Variants in KLHL2 observed in about 807,000 individuals in gnomAD.
The protein encoded by KLHL2 is kelch-like protein 2.
KLHL2 carries 15 observed loss-of-function variants against 75.8 expected under a neutral mutation model. The ratio of observed to expected loss-of-function variants is 0.20; its 90% CI spans 0.13 to 0.30. The LOEUF is 0.30. Among genes scored for constraint, KLHL2 ranks in the 10% least tolerant of loss-of-function variants. The probability of loss-of-function intolerance (pLI) is 1.00; values close to 1 mark genes in which losing one functional copy is unlikely to be tolerated. For missense variants in KLHL2, 381 were observed against 741.0 expected (o/e 0.51, Z 5.64); for synonymous variants, 214 against 251.9 (o/e 0.85, Z 1.42).
Position 165,314,049 on chromosome 4 carries a change from T to C in KLHL2, c.1492T>C (p.Leu498=), listed in dbSNP as rs752260030. 1.9e-6 allele frequency: 3 copies of C among 1,613,408 alleles called. No homozygotes were observed. Among genetic ancestry groups the C allele is most frequent in the South Asian group, 1.1e-5 (1 of 90,972 alleles). ...GAGVGVLNNL[L]YAVGGHDGPL... ...AGGTGTTGGTGTGTTAAACAATTTA[T>C]TGTATGCTGTAGGAGGTCATGATGG... The change falls in exon 13 of 15, where the codon TTG becomes CTG. Residue 498 remains leucine, a synonymous_variant. Transcript: ENST00000226725.
intron 4 of KLHL2, among the ~76,000 whole-genome samples, chr4:165,252,950 C>T (rs1299683092): frequency 6.6e-6 from 1 of 152,220 alleles, no homozygotes; most frequent in Non-Finnish European, 1.5e-5. Flanking sequence ...GTACCAAAAT[C>T]TAAGCATGCT....
At chr4:165,264,721 C>CATATATATATATATAT (rs1187856274) in intron 5 of KLHL2, among the ~76,000 whole-genome samples, 4 of 71,198 alleles carry the variant, frequency 5.6e-5, no homozygotes, top group Admixed American at 2.1e-4. Context: ...TATATATATA[C>CATATATATATATATAT]ATATATATAT....
Position 165,322,106 on chromosome 4 carries a change from C to T in KLHL2, c.*46C>T, listed in dbSNP as rs1258926837. 9 of 1,551,894 alleles carry T rather than the reference C, an allele frequency of 5.8e-6. No individual in the cohort carries two copies. Among genetic ancestry groups the T allele is most frequent in the Non-Finnish European group, 7.1e-6 (8 of 1,123,730 alleles). On this transcript the variant is annotated 3_prime_UTR_variant, in exon 15 of 15. Transcript: ENST00000226725. Reference sequence around the variant, plus strand: ...ATATTTATACATGAGAAACAGCCTTCAACAAGTATTTGTGAAGTGACTGAG... The same window carrying T: ...ATATTTATACATGAGAAACAGCCTTTAACAAGTATTTGTGAAGTGACTGAG...
At chr4:165,239,264 C>CTTTTTT (rs60521648) in intron 4 of KLHL2, among the ~76,000 whole-genome samples, 1 of 134,852 alleles carries the variant, frequency 7.4e-6, no homozygotes, top group African/African-American at 2.7e-5. Context: ...TTATTTCTGT[C>CTTTTTT]TTTTTTTTTT....
intron 5 of KLHL2, among the ~76,000 whole-genome samples, chr4:165,283,294 G>A (rs1233374232): frequency 6.6e-6 from 1 of 152,142 alleles, no homozygotes. Flanking sequence ...TAACTCAGAG[G>A]TGCACAGTCC....
chr4:165,216,048 TA>T (rs2110961947), intron 1 of KLHL2, among the ~76,000 whole-genome samples: 1 of 152,320 alleles, frequency 6.6e-6, no homozygotes, highest in East Asian at 1.9e-4. Context: ...AATAAATATC[TA>T]AAGAAGTTTT....
intron 5 of KLHL2, among the ~76,000 whole-genome samples, chr4:165,270,399 A>C (rs1442506405): frequency 6.6e-6 from 1 of 152,048 alleles, no homozygotes; most frequent in Non-Finnish European, 1.5e-5. Context: ...AGGAGAAGAG[A>C]TGCTCTGGTT....
At chr4:165,310,113 A>G (rs1285319839) in intron 9 of KLHL2, among the ~76,000 whole-genome samples, 13 of 152,156 alleles carry the variant, frequency 8.5e-5, no homozygotes, top group African/African-American at 1.4e-4. Flanking sequence ...CAAGGCGGGC[A>G]GATCACGAGG....
chr4:165,274,347 T>C (rs10015885), intron 5 of KLHL2, among the ~76,000 whole-genome samples: 68,704 of 151,980 alleles, frequency 0.45, 16,912 homozygotes, highest in African/African-American at 0.65. Context: ...CAGTGGCTCA[T>C]GCCTGTAATC....
intron 5 of KLHL2, chr4:165,278,841 A>C (rs1440106250): frequency 6.5e-7 from 1 of 1,537,322 alleles, no homozygotes; most frequent in Admixed American, 1.7e-5. Flanking sequence ...ATCTGGAAGC[A>C]CATTTGTCCC....
chr4:165,253,127 T>C (rs1740876383), intron 4 of KLHL2, among the ~76,000 whole-genome samples: 1 of 152,184 alleles, frequency 6.6e-6, no homozygotes, highest in Non-Finnish European at 1.5e-5. Flanking sequence ...TGCCTCCTCC[T>C]GGGTTCAGGC....
intron 13 of KLHL2, among the ~76,000 whole-genome samples, chr4:165,316,759 TA>T (rs1195695444): frequency 2.0e-5 from 3 of 152,038 alleles, no homozygotes; most frequent in African/African-American, 4.8e-5. Context: ...TATCCATCAG[TA>T]AAAAAATGAT....
In KLHL2 at chr4:165,311,504, G is replaced by C; in HGVS notation, c.1278G>C (p.Glu426Asp). The C allele has an allele frequency of 6.2e-7, 1 of 1,613,992 alleles. No homozygotes were observed. The highest frequency in any genetic ancestry group is 8.5e-7 in the Non-Finnish European group (1 of 1,179,888). ...SVEAYNIKSN[E>D]WFHVAPMNTR... ...AAGCATACAACATAAAGTCTAATGA[G>C]TGGTTTCATGTAGCTCCCATGAATA... Residue 426 changes from glutamate (E) to aspartate (D), a missense_variant, in exon 11 of 15, where the codon GAG becomes GAC. Coordinates refer to ENST00000226725, the MANE Select transcript of KLHL2 (RefSeq NM_007246.4).
rs867900967 is a variant in KLHL2, at chr4:165,319,219, C to T, written c.1753+1250C>T. On this transcript the variant is annotated intron_variant, in intron 14 of 14. Transcript: ENST00000226725. This position sits in a 1 kb window ranked among gnomAD's most constrained non-coding sequence, Gnocchi z 4.5. ...GGGGGGCTAATTACCTTTGAAAGAG[C>T]AGTTTGTCTCTTCAGCGATGCGTAT... Among the ~76,000 whole-genome samples, 3 of 152,162 alleles carry T rather than the reference C, an allele frequency of 2.0e-5. No homozygotes were observed. Among genetic ancestry groups the T allele is most frequent in the Admixed American group, 2.0e-4 (3 of 15,278 alleles).
At chr4:165,259,598 T>C (rs971483427) in intron 4 of KLHL2, among the ~76,000 whole-genome samples, 12 of 152,234 alleles carry the variant, frequency 7.9e-5, no homozygotes, top group Non-Finnish European at 4.4e-5. Flanking sequence ...GATAATGAGA[T>C]ATTATTGTCT....
chr4:165,293,667 C>A (rs887279969), intron 5 of KLHL2, among the ~76,000 whole-genome samples: 3 of 130,694 alleles, frequency 2.3e-5, no homozygotes, highest in Non-Finnish European at 4.9e-5. Context: ...CCATGCCTGG[C>A]TAATTTTTTT....
intron 8 of KLHL2, among the ~76,000 whole-genome samples, chr4:165,304,436 TTC>T (rs1045335562): frequency 6.6e-6 from 1 of 152,234 alleles, no homozygotes; most frequent in African/African-American, 2.4e-5. Flanking sequence ...TTACTCCATA[TTC>T]TGTTTGTTTT....
intron 5 of KLHL2, chr4:165,278,278 T>C: frequency 9.4e-7 from 1 of 1,067,304 alleles, no homozygotes; most frequent in Non-Finnish European, 1.5e-6. Context: ...CAGCACCCAG[T>C]GCAGTGGTTT....
chr4:165,210,959 T>G (rs979281160), intron 1 of KLHL2, among the ~76,000 whole-genome samples: 1 of 152,206 alleles, frequency 6.6e-6, no homozygotes. Flanking sequence ...TTTTTGCTTT[T>G]CCTTCACAAA....
Sources: allele counts gnomAD v4.1 joint callset (sites outside exome capture counted in the v4.1 genomes callset), GRCh38; gene constraint gnomAD v4.1.1; non-coding constraint Gnocchi (gnomAD v3.1); transcripts MANE v1.5; gene names NCBI Gene and HGNC (gene_info 2026-07-23, HGNC 2026-07-21).